Variants in CSGALNACT1 observed in about 807,000 individuals in gnomAD.
CSGALNACT1 encodes the protein chondroitin sulfate N-acetylgalactosaminyltransferase 1, also known as beta4GalNAcT-1.
Under a neutral mutation model 51.0 loss-of-function variants are expected in CSGALNACT1, and 52 were observed. The ratio of observed to expected loss-of-function variants is 1.02; its 90% CI spans 0.82 to 1.29. The LOEUF (loss-of-function observed/expected upper bound fraction) is 1.29. Among genes scored for constraint, CSGALNACT1 ranks in the 50% most tolerant of loss-of-function variants. CSGALNACT1 has a pLI of 0.00. For synonymous variants in CSGALNACT1, 341 were observed against 254.4 expected, an observed-to-expected ratio of 1.34 and a Z score of -3.24; for missense variants, 935 against 679.2, an observed-to-expected ratio of 1.38 and a Z score of -4.19.
At chr8:19,485,575 T>C (rs2072675036) in intron 4 of CSGALNACT1, among the ~76,000 whole-genome samples, 1 of 152,006 alleles carries the variant, frequency 6.6e-6, no homozygotes, top group Non-Finnish European at 1.5e-5. Context: ...AGCCAGCCCT[T>C]TTAGAAAGCC....
chr8:19,728,501 T>C (rs1405475440), intron 1 of CSGALNACT1, among the ~76,000 whole-genome samples: 2 of 152,174 alleles, frequency 1.3e-5, no homozygotes, highest in African/African-American at 2.4e-5. Context: ...GAATTTCATT[T>C]TAAACTCTTC....
At chr8:19,563,037 T>C (rs1052121735) in intron 3 of CSGALNACT1, among the ~76,000 whole-genome samples, 6 of 152,120 alleles carry the variant, frequency 3.9e-5, no homozygotes, top group Non-Finnish European at 8.8e-5. Flanking sequence ...CAAATGCCCA[T>C]CAATGATAGA....
intron 1 of CSGALNACT1, among the ~76,000 whole-genome samples, chr8:19,635,941 G>A (rs543765927): frequency 1.3e-5 from 2 of 152,112 alleles, no homozygotes; most frequent in African/African-American, 2.4e-5. Flanking sequence ...TGTTGGCCAG[G>A]CTGGTCTCGA....
Position 19,748,641 on chromosome 8 carries a change from T to C in CSGALNACT1, c.-297+9209A>G, listed in dbSNP as rs1299531822. On this transcript the variant is annotated intron_variant, in intron 1 of 1. Transcript: ENST00000517494. ...CCCTCAGTAAAATAAGCATGATTAT[T>C]CCATTTTATGGATGAGAAACAGGAA... Among the ~76,000 whole-genome samples, 3 of 152,130 alleles carry C rather than the reference T, an allele frequency of 2.0e-5. No homozygotes were observed. The East Asian group carries it at 5.8e-4, about 29-fold the overall frequency.
intron 1 of CSGALNACT1, among the ~76,000 whole-genome samples, chr8:19,615,862 CA>C (rs138050546): frequency 0.022 from 3,361 of 152,226 alleles, 128 homozygotes; most frequent in African/African-American, 0.076. Context: ...GGACAAAGAA[CA>C]TGTGAAAAAC....
At chr8:19,640,423 G>C (rs1380090744) in intron 1 of CSGALNACT1, among the ~76,000 whole-genome samples, 1 of 152,110 alleles carries the variant, frequency 6.6e-6, no homozygotes, top group East Asian at 1.9e-4. Flanking sequence ...TCAGCTGCTA[G>C]AGTATTCTTG....
At chr8:19,687,935 C>A (rs553593475) in intron 1 of CSGALNACT1, among the ~76,000 whole-genome samples, 104 of 152,324 alleles carry the variant, frequency 6.8e-4, no homozygotes, top group African/African-American at 1.9e-3. Context: ...AACACATAAA[C>A]AGCCACTGAC....
intron 1 of CSGALNACT1, among the ~76,000 whole-genome samples, chr8:19,716,476 TA>T (rs200106117): frequency 2.3e-4 from 34 of 149,230 alleles, no homozygotes; most frequent in African/African-American, 2.2e-4. Flanking sequence ...TTTCCCTTTT[TA>T]AAAAAAAAAT....
chr8:19,508,875 G>C (rs1239660816), intron 3 of CSGALNACT1, among the ~76,000 whole-genome samples: 8 of 152,042 alleles, frequency 5.3e-5, no homozygotes, highest in Admixed American at 4.6e-4. Flanking sequence ...ATTTAAAACT[G>C]GAATATCTTT....
exon 5 of CSGALNACT1, chr8:19,458,553 A>G: frequency 6.2e-7 from 1 of 1,614,208 alleles, no homozygotes. Flanking sequence ...AATGGTCGAA[A>G]TAAGATGAGC....
chr8:19,521,309 G>C (rs549987147), intron 3 of CSGALNACT1, among the ~76,000 whole-genome samples: 2 of 152,020 alleles, frequency 1.3e-5, no homozygotes, highest in Admixed American at 6.5e-5. Context: ...GGCCAGGGAA[G>C]ACTTAAACCC....
intron 1 of CSGALNACT1, among the ~76,000 whole-genome samples, chr8:19,743,840 C>A (rs1358134662): frequency 6.6e-6 from 1 of 152,142 alleles, no homozygotes. Flanking sequence ...TGATAAATTT[C>A]TCCACACATT....
rs1190921968 is a variant in CSGALNACT1, at chr8:19,657,846, G to A, written c.-544+24627C>T. Among the ~76,000 whole-genome samples the A allele has an allele frequency of 2.6e-5, 4 of 152,098 alleles. 1 individual carries two copies. The highest frequency in any genetic ancestry group is 2.6e-4 in the Admixed American group (4 of 15,284). ...CTCCACTTTTCCACTGGGAAAATAAGTGGAGGGTCCAACAGAGCACCTTGG... is the reference window on the plus strand; with the variant it reads ...CTCCACTTTTCCACTGGGAAAATAAATGGAGGGTCCAACAGAGCACCTTGG... On this transcript the variant is annotated intron_variant, in intron 1 of 9. Coordinates refer to the CSGALNACT1 transcript ENST00000332246.
At chr8:19,673,925 T>G (rs1334043483) in intron 1 of CSGALNACT1, among the ~76,000 whole-genome samples, 2 of 152,210 alleles carry the variant, frequency 1.3e-5, no homozygotes, top group African/African-American at 4.8e-5. Flanking sequence ...AATATATTAC[T>G]GAAAAGATAA....
intron 1 of CSGALNACT1, among the ~76,000 whole-genome samples, chr8:19,624,049 G>C (rs187019102): frequency 2.6e-5 from 4 of 152,204 alleles, no homozygotes; most frequent in African/African-American, 9.7e-5. Flanking sequence ...CAGTGGCATA[G>C]TAAATTACGT....
At chr8:19,524,406 T>A (rs17480050) in intron 3 of CSGALNACT1, among the ~76,000 whole-genome samples, 7 of 152,082 alleles carry the variant, frequency 4.6e-5, no homozygotes, top group Non-Finnish European at 8.8e-5. Context: ...AACTCAAAAC[T>A]CACCATTTAA....
chr8:19,755,269 GA>G (rs1460041876), intron 1 of CSGALNACT1, among the ~76,000 whole-genome samples: 1 of 151,922 alleles, frequency 6.6e-6, no homozygotes. Flanking sequence ...AGAAAAAGCT[GA>G]AGTATTGCCC....
chr8:19,653,560 A>C (rs1387369347), intron 1 of CSGALNACT1, among the ~76,000 whole-genome samples: 2 of 152,134 alleles, frequency 1.3e-5, no homozygotes. Flanking sequence ...TTGGGAGGCC[A>C]AGAGGTATGG....
exon 4 of CSGALNACT1, chr8:19,505,902 C>G (rs759200825): frequency 6.3e-7 from 1 of 1,590,466 alleles, no homozygotes; most frequent in Non-Finnish European, 8.5e-7. Context: ...GGAAGGGCTT[C>G]CCTGGGCTAG....
Sources: gnomAD v4.1 joint callset for allele counts (sites outside exome capture counted in the v4.1 genomes callset) on GRCh38, gnomAD v4.1.1 for gene constraint, MANE v1.5 for transcripts, NCBI Gene and HGNC (gene_info 2026-07-23, HGNC 2026-07-21) for gene names.